GMDS: variants seen among roughly 807,000 people sequenced by gnomAD.
The protein encoded by GMDS is GDP-mannose 4,6-dehydratase.
GMDS carries 20 observed loss-of-function variants against 49.9 expected under a neutral mutation model. The observed-to-expected ratio is 0.40, with a 90% CI of 0.28 to 0.58. The LOEUF is 0.58. GMDS is among the 20% of genes least tolerant of loss of function. The probability of loss-of-function intolerance (pLI) is 0.42; values close to 1 mark genes in which losing one functional copy is unlikely to be tolerated. For synonymous variants in GMDS, 177 were observed against 178.6 expected (o/e 0.99, Z 0.07); for missense variants, 362 against 481.4 (o/e 0.75, Z 2.32).
intron 1 of GMDS, among the ~76,000 whole-genome samples, chr6:2,155,692 T>C (rs564332723): frequency 1.1e-4 from 16 of 152,216 alleles, no homozygotes; most frequent in Non-Finnish European, 1.3e-4. Context: ...TGGGATACCA[T>C]ATCCTTAAGA....
intron 4 of GMDS, among the ~76,000 whole-genome samples, chr6:2,104,028 T>A (rs1774078957): frequency 6.6e-6 from 1 of 152,186 alleles, no homozygotes. Context: ...TGGACTGACA[T>A]TTCCTCTTTG....
intron 7 of GMDS, among the ~76,000 whole-genome samples, chr6:1,803,933 A>C (rs1210112682): frequency 6.6e-6 from 1 of 152,110 alleles, no homozygotes; most frequent in Non-Finnish European, 1.5e-5. Context: ...TCAGTAAATT[A>C]TTTTTGCTGC....
chr6:2,119,452 A>G (rs1775021073), intron 2 of GMDS, among the ~76,000 whole-genome samples: 1 of 152,178 alleles, frequency 6.6e-6, no homozygotes, highest in African/African-American at 2.4e-5. Context: ...GTACACAGGG[A>G]AAGAAAGACC....
At chr6:1,698,521 C>T (rs769581005) in intron 9 of GMDS, among the ~76,000 whole-genome samples, 14 of 152,246 alleles carry the variant, frequency 9.2e-5, no homozygotes, top group Non-Finnish European at 1.8e-4. Flanking sequence ...GGGGACTTTG[C>T]TTATTAGAAA....
intron 1 of GMDS, among the ~76,000 whole-genome samples, chr6:2,167,042 C>T (rs552062701): frequency 6.6e-6 from 1 of 152,346 alleles, no homozygotes; most frequent in Admixed American, 6.5e-5. Context: ...CCTTCAAGGC[C>T]ACTGTTTCTC....
chr6:1,921,794 G>A (rs946853675), intron 7 of GMDS, among the ~76,000 whole-genome samples: 1 of 152,132 alleles, frequency 6.6e-6, no homozygotes, highest in African/African-American at 2.4e-5. Flanking sequence ...ACAGATAAAG[G>A]AGAGACTATT....
intron 1 of GMDS, among the ~76,000 whole-genome samples, chr6:2,167,909 C>G (rs1007183169): frequency 2.6e-5 from 4 of 152,228 alleles, no homozygotes; most frequent in Non-Finnish European, 5.9e-5. Context: ...CGGATTCACA[C>G]AGCAGGCAGT....
At chr6:1,915,735 C>G (rs569854029) in intron 7 of GMDS, among the ~76,000 whole-genome samples, 198 of 152,324 alleles carry the variant, frequency 1.3e-3, no homozygotes, top group African/African-American at 4.4e-3. Flanking sequence ...CTCTCTATGC[C>G]TTATGTTTTC....
At chr6:2,102,941 G>C (rs1254415023) in intron 4 of GMDS, among the ~76,000 whole-genome samples, 1 of 152,000 alleles carries the variant, frequency 6.6e-6, no homozygotes, top group Non-Finnish European at 1.5e-5. Context: ...AAAAATATTA[G>C]GGTAACACAG....
At chr6:1,658,917 T>C (rs961798792) in intron 9 of GMDS, among the ~76,000 whole-genome samples, 1 of 152,216 alleles carries the variant, frequency 6.6e-6, no homozygotes, top group African/African-American at 2.4e-5. Flanking sequence ...CTCACAAGGC[T>C]GTGAGGGGCT....
At chr6:1,915,695 C>T (rs1761350684) in intron 7 of GMDS, among the ~76,000 whole-genome samples, 1 of 152,226 alleles carries the variant, frequency 6.6e-6, no homozygotes, top group Admixed American at 6.5e-5. Flanking sequence ...AATGAACGCG[C>T]CTGATCTGGG....
At chr6:2,005,622 C>T (rs541122951) in intron 4 of GMDS, among the ~76,000 whole-genome samples, 1 of 152,278 alleles carries the variant, frequency 6.6e-6, no homozygotes, top group South Asian at 2.1e-4. Context: ...CCTTCTTGAT[C>T]TTCCATTAAT....
At chr6:1,965,867 G>C (rs1243955588) in intron 4 of GMDS, among the ~76,000 whole-genome samples, 3 of 152,048 alleles carry the variant, frequency 2.0e-5, no homozygotes, top group Non-Finnish European at 4.4e-5. Context: ...AAGAGAGAGA[G>C]AGAGATTATT....
At chr6:1,631,703 C>G (rs1763008489) in intron 9 of GMDS, among the ~76,000 whole-genome samples, 1 of 152,002 alleles carries the variant, frequency 6.6e-6, no homozygotes, top group Admixed American at 6.6e-5. Context: ...AATAACGTAA[C>G]AGGGTCATTC....
At position 1,879,825 on chromosome 6, in the gene GMDS, G is replaced by C. The variant is rs141541271; in HGVS notation, c.771+50278C>G. 2.3e-3 allele frequency among the ~76,000 whole-genome samples: 345 copies of C among 152,140 alleles called. 1 individual carries two copies. The highest frequency in any genetic ancestry group is 8.0e-3 in the African/African-American group (331 of 41,506). On this transcript the variant is annotated intron_variant, in intron 7 of 10. Coordinates refer to ENST00000380815, the MANE Select transcript of GMDS (RefSeq NM_001500.4). ...GATCTGATCTCGATATCGTGTATGA[G>C]ACCTCAGAGATAGTACAGCCTTTCT...
intron 7 of GMDS, among the ~76,000 whole-genome samples, chr6:1,804,159 C>G (rs911056277): frequency 6.6e-6 from 1 of 152,190 alleles, no homozygotes; most frequent in Non-Finnish European, 1.5e-5. Context: ...GCGCTGTTTC[C>G]TTTTTGTCTT....
rs1002591255 is a variant in GMDS, at chr6:1,833,347, T to C, written c.772-90761A>G. On this transcript the variant is annotated intron_variant, in intron 7 of 10. Transcript: ENST00000380815. The surrounding 1 kb of genome is among the most constrained non-coding windows in gnomAD (Gnocchi z 4.4). ...TCCCTTCCTTCATATGGAAAGCTCATCTCGGAGGTGTCAGGATAAAACATG... is the reference window on the plus strand; with the variant it reads ...TCCCTTCCTTCATATGGAAAGCTCACCTCGGAGGTGTCAGGATAAAACATG... Among the ~76,000 whole-genome samples the C allele has an allele frequency of 1.3e-5, 2 of 151,674 alleles. No individual in the cohort carries two copies. The highest frequency in any genetic ancestry group is 6.6e-5 in the Admixed American group (1 of 15,222).
At chr6:1,916,345 G>A (rs1222378140) in intron 7 of GMDS, among the ~76,000 whole-genome samples, 5 of 151,980 alleles carry the variant, frequency 3.3e-5, no homozygotes, top group African/African-American at 1.2e-4. Flanking sequence ...CGGGGGTGGG[G>A]GGCTGTTCAT....
At chr6:2,189,115 G>T (rs1296375714) in intron 1 of GMDS, among the ~76,000 whole-genome samples, 2 of 152,122 alleles carry the variant, frequency 1.3e-5, no homozygotes, top group Non-Finnish European at 2.9e-5. Flanking sequence ...CCAAGTGAGG[G>T]TTAATAAAAA....
Sources: gnomAD v4.1 joint callset for allele counts (sites outside exome capture counted in the v4.1 genomes callset) on GRCh38, gnomAD v4.1.1 for gene constraint, Gnocchi (gnomAD v3.1) non-coding constraint, MANE v1.5 for transcripts, NCBI Gene and HGNC (gene_info 2026-07-23, HGNC 2026-07-21) for gene names.